KCNH5: variants seen among roughly 807,000 people sequenced by gnomAD.
The protein encoded by KCNH5 is voltage-gated delayed rectifier potassium channel KCNH5.
Under a neutral mutation model 96.1 loss-of-function variants are expected in KCNH5, and 46 were observed. The observed-to-expected ratio is 0.48, with a 90% CI of 0.38 to 0.61. The LOEUF is 0.61. Ranked by LOEUF, KCNH5 falls within the 20% of genes least tolerant of loss-of-function variation. The pLI, the probability that KCNH5 is intolerant of heterozygous loss-of-function variation, is 0.00. For missense variants in KCNH5, 907 were observed against 1,225.8 expected, an observed-to-expected ratio of 0.74 and a Z score of 3.88; for synonymous variants, 439 against 449.8, an observed-to-expected ratio of 0.98 and a Z score of 0.30.
At chr14:62,993,362 A>G (rs1203203571) in intron 4 of KCNH5, among the ~76,000 whole-genome samples, 1 of 152,000 alleles carries the variant, frequency 6.6e-6, no homozygotes, top group Non-Finnish European at 1.5e-5. Context: ...TGACATTGGT[A>G]TTTTGATAAG....
At chr14:62,854,743 T>C (rs1309797066) in intron 7 of KCNH5, among the ~76,000 whole-genome samples, 2 of 151,894 alleles carry the variant, frequency 1.3e-5, no homozygotes, top group Non-Finnish European at 2.9e-5. Flanking sequence ...AAGCTAATCA[T>C]ACTTAAGGTC....
chr14:62,742,603 C>G (rs1885293907), intron 10 of KCNH5, among the ~76,000 whole-genome samples: 1 of 152,148 alleles, frequency 6.6e-6, no homozygotes, highest in Non-Finnish European at 1.5e-5. Flanking sequence ...TAAACTACAG[C>G]CTTAGTGGAA....
chr14:62,815,322 T>A (rs963687495), intron 8 of KCNH5, among the ~76,000 whole-genome samples: 2 of 152,182 alleles, frequency 1.3e-5, no homozygotes, highest in African/African-American at 4.8e-5. Context: ...TATAGACTTC[T>A]GGGGTTCTGA....
intron 10 of KCNH5, among the ~76,000 whole-genome samples, chr14:62,771,124 C>T (rs866471430): frequency 4.2e-5 from 6 of 143,926 alleles, no homozygotes; most frequent in East Asian, 2.4e-4. Flanking sequence ...AGGAGAGAAA[C>T]GTCCCCAGAC....
At chr14:62,759,437 A>G (rs1417901548) in intron 10 of KCNH5, among the ~76,000 whole-genome samples, 2 of 152,132 alleles carry the variant, frequency 1.3e-5, no homozygotes, top group East Asian at 3.8e-4. Context: ...TGATTATGGA[A>G]AATACTGAGG....
intron 9 of KCNH5, among the ~76,000 whole-genome samples, chr14:62,781,734 G>A (rs2139977892): frequency 6.6e-6 from 1 of 152,278 alleles, no homozygotes; most frequent in South Asian, 2.1e-4. Context: ...CTGAACAATT[G>A]CTGTTATCCT....
At chr14:62,975,414 G>T (rs1028119668) in intron 6 of KCNH5, among the ~76,000 whole-genome samples, 1 of 151,918 alleles carries the variant, frequency 6.6e-6, no homozygotes, top group African/African-American at 2.4e-5. Context: ...GCATAAAATA[G>T]TATGAATGAA....
At position 62,852,191 on chromosome 14, in the gene KCNH5, T is replaced by A. The variant is rs192578188; in HGVS notation, c.1370-2339A>T. Among the ~76,000 whole-genome samples the A allele has an allele frequency of 3.2e-4, 49 of 152,262 alleles. 1 individual carries two copies. The highest frequency in any genetic ancestry group is 4.6e-4 in the Admixed American group (7 of 15,290). On this transcript the variant is annotated intron_variant, in intron 7 of 10. Transcript: ENST00000322893. ...TATCATTTCTTTGTGTTAGGAACAT[T>A]CCAGTTCCACTCTTCCAGTTCTCAT...
rs540164856 is a variant in KCNH5 at position 62,956,778 on chromosome 14, T to C, written c.943-6219A>G. On this transcript the variant is annotated intron_variant, in intron 6 of 10. Transcript: ENST00000322893. ...TTTAATTTCACTTATATGATACTAC[T>C]AGACAGTTTTAGAGGTTGATCCTCC... Among the ~76,000 whole-genome samples the C allele has an allele frequency of 1.6e-4, 24 of 152,332 alleles. No individual in the cohort carries two copies. The South Asian group carries it at 4.6e-3, about 29-fold the overall frequency.
chr14:63,003,849 T>C (rs1345279136), intron 3 of KCNH5, among the ~76,000 whole-genome samples: 6 of 151,606 alleles, frequency 4.0e-5, no homozygotes, highest in Middle Eastern at 6.8e-3. Flanking sequence ...CTCGATTTCC[T>C]GACCTCGTGA....
intron 6 of KCNH5, among the ~76,000 whole-genome samples, chr14:62,979,010 G>A (rs1890555839): frequency 6.6e-6 from 1 of 152,090 alleles, no homozygotes; most frequent in African/African-American, 2.4e-5. Context: ...CTTGAATTTA[G>A]TTCCATCTAA....
At chr14:62,826,613 A>G (rs1595641738) in intron 8 of KCNH5, among the ~76,000 whole-genome samples, 1 of 151,910 alleles carries the variant, frequency 6.6e-6, no homozygotes, top group Non-Finnish European at 1.5e-5. Flanking sequence ...TTTTACTTTA[A>G]AAGATGTATA....
chr14:62,836,997 T>C (rs1211084920), intron 8 of KCNH5, among the ~76,000 whole-genome samples: 4 of 152,188 alleles, frequency 2.6e-5, no homozygotes, highest in Non-Finnish European at 5.9e-5. Context: ...AGAATCTCCT[T>C]ATTGTTTAAA....
At chr14:62,855,312 A>G (rs1035571922) in intron 7 of KCNH5, among the ~76,000 whole-genome samples, 2 of 152,196 alleles carry the variant, frequency 1.3e-5, no homozygotes, top group East Asian at 1.9e-4. Context: ...ATATTTAATA[A>G]TGATACTTAA....
intron 6 of KCNH5, among the ~76,000 whole-genome samples, chr14:62,971,952 C>CAACATTGTTTTATCATGGTG (rs1890416466): frequency 6.6e-6 from 1 of 152,070 alleles, no homozygotes; most frequent in South Asian, 2.1e-4. Flanking sequence ...ATGACAATGA[C>CAACATTGTTTTATCATGGTG]TTTATAGATA....
At chr14:62,978,115 G>A (rs984340879) in intron 6 of KCNH5, among the ~76,000 whole-genome samples, 2 of 152,212 alleles carry the variant, frequency 1.3e-5, no homozygotes, top group African/African-American at 2.4e-5. Context: ...GTTCAGTGAT[G>A]TGTTGGAAAA....
intron 8 of KCNH5, among the ~76,000 whole-genome samples, chr14:62,848,402 C>T (rs901799419): frequency 3.9e-5 from 6 of 152,208 alleles, no homozygotes; most frequent in Non-Finnish European, 7.4e-5. Context: ...TGTTTTCATG[C>T]GTACTACTTC....
At chr14:62,956,791 A>C (rs1030188738) in intron 6 of KCNH5, among the ~76,000 whole-genome samples, 1 of 152,144 alleles carries the variant, frequency 6.6e-6, no homozygotes, top group African/African-American at 2.4e-5. Flanking sequence ...ACAGTTTTAG[A>C]GGTTGATCCT....
At chr14:62,827,748 G>A (rs373973139) in intron 8 of KCNH5, among the ~76,000 whole-genome samples, 1 of 152,090 alleles carries the variant, frequency 6.6e-6, no homozygotes, top group Non-Finnish European at 1.5e-5. Context: ...GATTACAACA[G>A]GTCAATTTTC....
Sources: allele counts gnomAD v4.1 joint callset (sites outside exome capture counted in the v4.1 genomes callset), GRCh38; gene constraint gnomAD v4.1.1; transcripts MANE v1.5; gene names NCBI Gene and HGNC (gene_info 2026-07-23, HGNC 2026-07-21).